CFAP53: variants seen among roughly 807,000 people sequenced by gnomAD.
The protein encoded by CFAP53 is cilia and flagella associated protein 53.
Under a neutral mutation model 59.7 loss-of-function variants are expected in CFAP53, and 62 were observed. That is an observed-to-expected ratio of 1.04 (90% CI 0.85 to 1.28). The LOEUF (loss-of-function observed/expected upper bound fraction) is 1.28, where lower values mean the gene tolerates loss of function less well. Ranked by LOEUF, CFAP53 falls within the 50% of genes most tolerant of loss-of-function variation. The pLI is 0.00. For synonymous variants in CFAP53, 218 were observed against 205.7 expected (o/e 1.06, Z -0.51); for missense variants, 629 against 615.6 (o/e 1.02, Z -0.23).
chr18:50,234,913 G>A (rs2033617178), intron 7 of CFAP53, among the ~76,000 whole-genome samples: 1 of 152,224 alleles, frequency 6.6e-6, no homozygotes, highest in Non-Finnish European at 1.5e-5. Flanking sequence ...ATGCTTGAGT[G>A]CAGCATTTGT....
Position 50,262,225 on chromosome 18 carries a change from A to G in CFAP53, c.70-6T>C. 1 of 1,604,522 alleles carries G rather than the reference A, an allele frequency of 6.2e-7. No individual in the cohort carries two copies. The highest frequency in any genetic ancestry group is 8.5e-7 in the Non-Finnish European group (1 of 1,171,480). On this transcript the variant is annotated splice_polypyrimidine_tract_variant and splice_region_variant and intron_variant, in intron 1 of 7. Transcript: ENST00000398545. ...CCTTTAGGAGGCTTGGATCTCTGAA[A>G]ACAAAAACCAACTATCACTTATAAT...
At chr18:50,254,421 T>C (rs775622942) in intron 3 of CFAP53, among the ~76,000 whole-genome samples, 1 of 152,042 alleles carries the variant, frequency 6.6e-6, no homozygotes, top group East Asian at 1.9e-4. Flanking sequence ...TGATGAGATA[T>C]CACAGCACGC....
intron 3 of CFAP53, among the ~76,000 whole-genome samples, chr18:50,252,204 T>C (rs991768815): frequency 1.3e-5 from 2 of 152,082 alleles, no homozygotes; most frequent in Non-Finnish European, 2.9e-5. Flanking sequence ...CTCGGGTTCA[T>C]GCCATTCTCC....
chr18:50,237,304 CAAAAAAAA>C (rs143356494), intron 7 of CFAP53, among the ~76,000 whole-genome samples: 2 of 9,342 alleles, frequency 2.1e-4, no homozygotes, highest in African/African-American at 4.3e-4. Context: ...GACTCCATCT[CAAAAAAAA>C]AAAAAAAAAA....
intron 5 of CFAP53, among the ~76,000 whole-genome samples, chr18:50,247,837 T>C (rs190905205): frequency 1.5e-3 from 223 of 152,250 alleles, no homozygotes; most frequent in African/African-American, 4.7e-3. Flanking sequence ...AGCAGGATAG[T>C]GAAAATGTTC....
chr18:50,253,954 T>A, intron 3 of CFAP53, among the ~76,000 whole-genome samples: 1 of 152,296 alleles, frequency 6.6e-6, no homozygotes, highest in South Asian at 2.1e-4. Flanking sequence ...TCATTAACCA[T>A]GTATAATTAC....
At chr18:50,262,730 A>G (rs1291149536) in intron 1 of CFAP53, among the ~76,000 whole-genome samples, 2 of 152,200 alleles carry the variant, frequency 1.3e-5, no homozygotes, top group African/African-American at 4.8e-5. Context: ...GTGTGTATAT[A>G]CATGTATATG....
chr18:50,242,915 G>C lies in CFAP53; in HGVS notation c.1198C>G (p.Gln400Glu). The C allele has an allele frequency of 6.2e-7, 1 of 1,613,156 alleles. No homozygotes were observed. Among genetic ancestry groups the C allele is most frequent in the South Asian group, 1.1e-5 (1 of 91,072 alleles). Residue 400 changes from glutamine to glutamate, a missense_variant, in exon 6 of 8, where the codon CAA becomes GAA. By Grantham distance (29) the Gln-to-Glu change is conservative. Transcript: ENST00000398545. ...AGTTCCTTACACTTTTCTTGAACTTGAAGTTTTCTTGTACACATGACCTCA... is the reference window on the plus strand; with the variant it reads ...AGTTCCTTACACTTTTCTTGAACTTCAAGTTTTCTTGTACACATGACCTCA... ...VDEVMCTRKL[Q>E]VQEKLQREAK...
intron 7 of CFAP53, 92 bp from the exon 8 acceptor site, chr18:50,227,701 C>A: frequency 1.0e-6 from 1 of 1,001,948 alleles, no homozygotes; most frequent in Non-Finnish European, 1.5e-6. Context: ...TTTGTAAAGT[C>A]AAATTAAATT....
rs752548119 is a variant in CFAP53, at chr18:50,251,556, C to T, written c.702G>A (p.Leu234=). The T allele has an allele frequency of 3.7e-6, 6 of 1,614,090 alleles. No individual in the cohort carries two copies. Among genetic ancestry groups the T allele is most frequent in the Middle Eastern group, 1.6e-4 (1 of 6,084 alleles). ...CCTTGATGCTGGTGATCTGGGCATTCAGCCCCAGGCGTGTGTTCTCCATCA... is the reference window on the plus strand; with the variant it reads ...CCTTGATGCTGGTGATCTGGGCATTTAGCCCCAGGCGTGTGTTCTCCATCA... The part of the protein sequence containing the change: ...KELMENTRLG[L]NAQITSIKAQ... Residue 234 remains leucine, a synonymous_variant, in exon 4 of 8, where the codon CTG becomes CTA. Coordinates refer to ENST00000398545, the MANE Select transcript of CFAP53 (RefSeq NM_145020.5).
Position 50,242,924 on chromosome 18 carries a change from T to C in CFAP53, c.1189A>G (p.Arg397Gly), listed in dbSNP as rs1490886903. 2.5e-6 allele frequency: 4 copies of C among 1,613,688 alleles called. 1 individual carries two copies. The highest frequency in any genetic ancestry group is 3.3e-4 in the Middle Eastern group (2 of 6,062). Residue 397 changes from arginine to glycine, a missense_variant, in exon 6 of 8, where the codon AGA (arginine) becomes GGA (glycine). Arg to Gly is a moderately radical substitution (Grantham distance 125). Transcript: ENST00000398545. Reference sequence around the variant, plus strand: ...CACTTTTCTTGAACTTGAAGTTTTCTTGTACACATGACCTCATCCACAAGC... The same window carrying C: ...CACTTTTCTTGAACTTGAAGTTTTCCTGTACACATGACCTCATCCACAAGC... ...RQLVDEVMCTRKLQVQEKLQR... is the reference protein window; with the variant it reads ...RQLVDEVMCTGKLQVQEKLQR...
chr18:50,259,955 T>C (rs2033876454), intron 3 of CFAP53, among the ~76,000 whole-genome samples: 2 of 152,360 alleles, frequency 1.3e-5, no homozygotes, highest in Admixed American at 1.3e-4. Context: ...GCTCTTGTTC[T>C]AAGAGCTGTA....
chr18:50,253,851 C>A (rs562031845), intron 3 of CFAP53, among the ~76,000 whole-genome samples: 23 of 152,222 alleles, frequency 1.5e-4, no homozygotes, highest in Admixed American at 4.6e-4. Context: ...TACCTCTGAT[C>A]CACAGGCATT....
At chr18:50,261,967 T>A in intron 2 of CFAP53, 23 bp downstream of exon 2, 5 of 1,568,610 alleles carry the variant, frequency 3.2e-6, no homozygotes, top group Non-Finnish European at 4.4e-6. Flanking sequence ...TCATGGTTTA[T>A]GTCCCAGGTT....
At chr18:50,262,308 C>T in intron 1 of CFAP53, 89 bp from the exon 2 acceptor site, 1 of 1,091,076 alleles carries the variant, frequency 9.2e-7, no homozygotes, top group Non-Finnish European at 1.3e-6. Context: ...AATACTCATA[C>T]TAAATAAAAT....
At chr18:50,230,115 T>C (rs1293678174) in intron 7 of CFAP53, among the ~76,000 whole-genome samples, 3 of 152,240 alleles carry the variant, frequency 2.0e-5, no homozygotes, top group Non-Finnish European at 4.4e-5. Flanking sequence ...AGCTGTGGTA[T>C]AATAAGAATT....
chr18:50,246,962 C>T (rs1239336262), intron 5 of CFAP53, among the ~76,000 whole-genome samples: 14 of 151,816 alleles, frequency 9.2e-5, no homozygotes, highest in African/African-American at 9.7e-5. Context: ...GCAGGAGAAT[C>T]GCTTGAACCT....
At chr18:50,241,463 T>C (rs180793385) in intron 6 of CFAP53, among the ~76,000 whole-genome samples, 8 of 152,160 alleles carry the variant, frequency 5.3e-5, no homozygotes, top group African/African-American at 1.7e-4. Context: ...AAGAGCATCA[T>C]AGGCAGAGAC....
chr18:50,249,393 C>T (rs1006833563), intron 5 of CFAP53, among the ~76,000 whole-genome samples: 2 of 151,674 alleles, frequency 1.3e-5, no homozygotes, highest in African/African-American at 4.8e-5. Context: ...TGGCTTGTGC[C>T]TGTAATCCCA....
Sources: gnomAD v4.1 joint callset for allele counts (sites outside exome capture counted in the v4.1 genomes callset) on GRCh38, gnomAD v4.1.1 for gene constraint, MANE v1.5 for transcripts, NCBI Gene and HGNC (gene_info 2026-07-23, HGNC 2026-07-21) for gene names.